The following DACH1 variants were observed in gnomAD, a reference collection of about 807,000 sequenced individuals.
DACH1 encodes dachshund family transcription factor 1.
In DACH1, 12 loss-of-function variants were observed where a neutral mutation model predicts 54.2. The ratio of observed to expected loss-of-function variants is 0.22; its 90% CI spans 0.14 to 0.36. The LOEUF (loss-of-function observed/expected upper bound fraction) is 0.36. Among genes scored for constraint, DACH1 ranks in the 10% least tolerant of loss-of-function variants. DACH1 has a pLI of 1.00. For missense variants in DACH1, 805 were observed against 929.8 expected (o/e 0.87, Z 1.75); for synonymous variants, 386 against 366.2 (o/e 1.05, Z -0.62).
intron 1 of DACH1, among the ~76,000 whole-genome samples, chr13:71,714,702 A>G (rs1038523672): frequency 6.6e-6 from 1 of 152,080 alleles, no homozygotes; most frequent in Admixed American, 6.6e-5. Context: ...GTAATATAAA[A>G]AATATTACTG....
chr13:71,610,310 G>A (rs1316298431), intron 3 of DACH1, among the ~76,000 whole-genome samples: 3 of 152,076 alleles, frequency 2.0e-5, no homozygotes, highest in Admixed American at 1.3e-4. Context: ...GTTTATATTC[G>A]CTTTACTGAA....
At chr13:71,661,664 G>C in intron 2 of DACH1, among the ~76,000 whole-genome samples, 1 of 152,062 alleles carries the variant, frequency 6.6e-6, no homozygotes, top group Middle Eastern at 3.4e-3. Context: ...TTGAAATTAA[G>C]TTTATTTCTA....
intron 6 of DACH1, among the ~76,000 whole-genome samples, chr13:71,538,173 G>A (rs1409505985): frequency 6.6e-6 from 1 of 151,934 alleles, no homozygotes; most frequent in African/African-American, 2.4e-5. Context: ...ATTTCTCAAG[G>A]CTAGAAAATG....
chr13:71,547,477 T>G (rs1387031237), intron 6 of DACH1, among the ~76,000 whole-genome samples: 1 of 152,094 alleles, frequency 6.6e-6, no homozygotes, highest in Non-Finnish European at 1.5e-5. Context: ...ATTCTGAAAC[T>G]GTAGCATAAG....
At chr13:71,572,001 G>A (rs1170375809) in intron 4 of DACH1, among the ~76,000 whole-genome samples, 1 of 152,062 alleles carries the variant, frequency 6.6e-6, no homozygotes, top group Admixed American at 6.6e-5. Context: ...TATATAAGAT[G>A]TGCTCCAGAG....
intron 1 of DACH1, among the ~76,000 whole-genome samples, chr13:71,728,183 T>C (rs1883560788): frequency 6.6e-6 from 1 of 152,112 alleles, no homozygotes; most frequent in South Asian, 2.1e-4. Flanking sequence ...GAAGTGCATA[T>C]ACTTCAGTAT....
At chr13:71,601,868 TC>T (rs768705400) in intron 3 of DACH1, among the ~76,000 whole-genome samples, 18 of 152,152 alleles carry the variant, frequency 1.2e-4, no homozygotes, top group Non-Finnish European at 1.9e-4. Context: ...AACATTTGAC[TC>T]TTGTACATAT....
At chr13:71,483,630 T>C (rs1301653082) in intron 7 of DACH1, among the ~76,000 whole-genome samples, 1 of 150,688 alleles carries the variant, frequency 6.6e-6, no homozygotes, top group African/African-American at 2.4e-5. Flanking sequence ...TATTGAAAAG[T>C]AAAGTAAAAT....
intron 1 of DACH1, among the ~76,000 whole-genome samples, chr13:71,858,345 T>C (rs1439282260): frequency 2.0e-5 from 3 of 151,712 alleles, no homozygotes; most frequent in Admixed American, 6.6e-5. Flanking sequence ...ATACTTCATG[T>C]TTACCACTCC....
At chr13:71,819,514 G>A (rs1210585050) in intron 1 of DACH1, among the ~76,000 whole-genome samples, 1 of 152,182 alleles carries the variant, frequency 6.6e-6, no homozygotes, top group Non-Finnish European at 1.5e-5. Context: ...GTAGCTGGAA[G>A]TCTATTTCAT....
Position 71,866,521 on chromosome 13 carries a change from T to TCCGCTGCCG in DACH1, c.240_248dup (p.Ser82_Gly84dup). 1 of 1,076,490 alleles carries TCCGCTGCCG rather than the reference T, an allele frequency of 9.3e-7. No individual in the cohort carries two copies. 66.7% of individuals were successfully genotyped at this position (1,076,490 alleles called of 1,614,324 possible). A position where few individuals can be genotyped will look rare whatever the true frequency, so the allele number is the denominator to read the frequency against. The stretch of plus-strand genomic sequence containing the variant: ...CGTTGCCGCTGCTGCCGCCGCCGCC[T>TCCGCTGCCG]CCGCTGCCGCCGCCGCCGCCGCCGC... On this transcript the variant is annotated inframe_insertion, in exon 1 of 11. Transcript: ENST00000613252.
intron 1 of DACH1, among the ~76,000 whole-genome samples, chr13:71,741,397 G>A (rs143603878): frequency 1.7e-3 from 252 of 152,220 alleles, no homozygotes; most frequent in African/African-American, 5.6e-3. Context: ...TCGTCTTATT[G>A]TTTTTCCAGG....
intron 1 of DACH1, among the ~76,000 whole-genome samples, chr13:71,712,716 A>T (rs2138782108): frequency 6.6e-6 from 1 of 152,274 alleles, no homozygotes; most frequent in Non-Finnish European, 1.5e-5. Context: ...GCTTTAGTTT[A>T]CATTTCCCCC....
chr13:71,682,765 A>G (rs1033258216), intron 1 of DACH1, among the ~76,000 whole-genome samples: 3 of 152,166 alleles, frequency 2.0e-5, no homozygotes, highest in Admixed American at 6.6e-5. Context: ...TGTACTTTAC[A>G]TGCCTATTGC....
intron 1 of DACH1, among the ~76,000 whole-genome samples, chr13:71,862,930 G>T (rs981569421): frequency 1.1e-4 from 17 of 151,870 alleles, no homozygotes; most frequent in African/African-American, 1.9e-4. Context: ...CACATATATG[G>T]GTGTATAGAT....
At chr13:71,751,060 G>C (rs779983492) in intron 1 of DACH1, among the ~76,000 whole-genome samples, 1 of 152,172 alleles carries the variant, frequency 6.6e-6, no homozygotes, top group Non-Finnish European at 1.5e-5. Context: ...CATTATAAAT[G>C]GCAGTCAGAT....
At chr13:71,472,956 T>A (rs1028362067) in intron 10 of DACH1, among the ~76,000 whole-genome samples, 5 of 152,204 alleles carry the variant, frequency 3.3e-5, no homozygotes, top group African/African-American at 1.2e-4. Context: ...AAAGGGCTAA[T>A]AAAGCTTATT....
chr13:71,635,055 C>T (rs1877375094), intron 2 of DACH1, among the ~76,000 whole-genome samples: 1 of 152,178 alleles, frequency 6.6e-6, no homozygotes, highest in Non-Finnish European at 1.5e-5. Context: ...ATATCCCAAA[C>T]ATCTGCTGCG....
chr13:71,766,201 A>T (rs1035479991), intron 1 of DACH1, among the ~76,000 whole-genome samples: 11 of 152,028 alleles, frequency 7.2e-5, no homozygotes, highest in African/African-American at 2.4e-4. Flanking sequence ...AAGATTATTT[A>T]CTATTTCCCC....
Sources: gnomAD v4.1 joint callset for allele counts (sites outside exome capture counted in the v4.1 genomes callset) on GRCh38, gnomAD v4.1.1 for gene constraint, MANE v1.5 for transcripts, NCBI Gene and HGNC (gene_info 2026-07-23, HGNC 2026-07-21) for gene names.